Variants in GALNTL6 observed in about 807,000 individuals in gnomAD.
GALNTL6 encodes the protein polypeptide N-acetylgalactosaminyltransferase-like 6.
Under a neutral mutation model 73.7 loss-of-function variants are expected in GALNTL6, and 46 were observed. The observed-to-expected ratio is 0.62, with a 90% CI of 0.49 to 0.80. GALNTL6 has a LOEUF of 0.80. Among genes scored for constraint, GALNTL6 ranks in the 30% least tolerant of loss-of-function variants. GALNTL6 has a pLI of 0.00. For synonymous variants in GALNTL6, 259 were observed against 263.7 expected (o/e 0.98, Z 0.17); for missense variants, 604 against 755.0 (o/e 0.80, Z 2.34).
At chr4:172,460,979 A>G (rs991874697) in intron 5 of GALNTL6, among the ~76,000 whole-genome samples, 1 of 152,216 alleles carries the variant, frequency 6.6e-6, no homozygotes, top group Admixed American at 6.5e-5. Context: ...AATGCCCATC[A>G]ATGATAGATT....
chr4:172,606,794 A>T lies in GALNTL6; in HGVS notation c.554-202567A>T, dbSNP rs181004756. Among the ~76,000 whole-genome samples, 769 of 150,086 alleles carry T rather than the reference A, an allele frequency of 5.1e-3. 8 individuals carry two copies. The highest frequency in any genetic ancestry group is 0.018 in the African/African-American group (719 of 40,606). On this transcript the variant is annotated intron_variant, in intron 5 of 12. Coordinates refer to ENST00000506823, the MANE Select transcript of GALNTL6 (RefSeq NM_001034845.3). Reference sequence around the variant, plus strand: ...TCTGAACTAATTGGCAATCTTGCTGATGGGAGAGGAGTATCGAGCTTCAGA... The same window carrying T: ...TCTGAACTAATTGGCAATCTTGCTGTTGGGAGAGGAGTATCGAGCTTCAGA...
At chr4:171,917,283 CA>C (rs544905069) in intron 2 of GALNTL6, among the ~76,000 whole-genome samples, 4,583 of 144,912 alleles carry the variant, frequency 0.032, 105 homozygotes, top group African/African-American at 0.057. Context: ...GCAAACCAAA[CA>C]AAAAAAAAAA....
At chr4:171,849,187 C>T (rs1032617258) in intron 2 of GALNTL6, among the ~76,000 whole-genome samples, 2 of 152,176 alleles carry the variant, frequency 1.3e-5, no homozygotes, top group African/African-American at 4.8e-5. Flanking sequence ...TGCTATTCTT[C>T]CTTTCGCTTC....
At chr4:172,352,298 A>C (rs1430219594) in intron 5 of GALNTL6, among the ~76,000 whole-genome samples, 1 of 152,216 alleles carries the variant, frequency 6.6e-6, no homozygotes, top group Non-Finnish European at 1.5e-5. Flanking sequence ...GCTTGGTAAC[A>C]GAATGTCATT....
chr4:172,982,306 C>A (rs1417280454), intron 10 of GALNTL6, among the ~76,000 whole-genome samples: 1 of 152,190 alleles, frequency 6.6e-6, no homozygotes, highest in Non-Finnish European at 1.5e-5. Flanking sequence ...ATGACTCAAT[C>A]ACCACGGGAC....
chr4:172,031,954 T>A (rs1407291998), intron 2 of GALNTL6, among the ~76,000 whole-genome samples: 2 of 152,086 alleles, frequency 1.3e-5, no homozygotes, highest in African/African-American at 4.8e-5. Flanking sequence ...TATAGCCCCA[T>A]CTTTCAGTGC....
intron 3 of GALNTL6, among the ~76,000 whole-genome samples, chr4:172,230,674 C>G (rs1036925402): frequency 1.3e-5 from 2 of 152,014 alleles, no homozygotes; most frequent in African/African-American, 4.8e-5. Context: ...AAGGGTATAT[C>G]AGTAGAAATC....
intron 5 of GALNTL6, among the ~76,000 whole-genome samples, chr4:172,496,065 G>A (rs973983671): frequency 6.6e-6 from 1 of 152,172 alleles, no homozygotes; most frequent in Admixed American, 6.5e-5. Context: ...TTGACTCAGT[G>A]TGTAACTTCC....
chr4:172,638,401 T>G (rs532584884), intron 5 of GALNTL6, among the ~76,000 whole-genome samples: 95 of 152,170 alleles, frequency 6.2e-4, no homozygotes, highest in African/African-American at 2.2e-3. Flanking sequence ...TGTAAGGAAG[T>G]GGGGTGGGGC....
At chr4:172,705,507 T>C (rs559590256) in intron 5 of GALNTL6, among the ~76,000 whole-genome samples, 17 of 152,146 alleles carry the variant, frequency 1.1e-4, no homozygotes, top group Non-Finnish European at 2.4e-4. Flanking sequence ...TTTTGACTTT[T>C]TGTTGTTCCA....
At chr4:172,586,001 C>G (rs1435556589) in intron 5 of GALNTL6, among the ~76,000 whole-genome samples, 2 of 152,108 alleles carry the variant, frequency 1.3e-5, no homozygotes, top group African/African-American at 4.8e-5. Context: ...ATGAAAAAGT[C>G]AGGAAAAATA....
chr4:172,075,403 C>T lies in GALNTL6; in HGVS notation c.139-154253C>T, dbSNP rs1310242353. ...AGGCTGGAGTGCAGTGGCGCGATCTCGGCTCACTGCAAGCTCTGCCTCCTG... is the reference window on the plus strand; with the variant it reads ...AGGCTGGAGTGCAGTGGCGCGATCTTGGCTCACTGCAAGCTCTGCCTCCTG... On this transcript the variant is annotated intron_variant, in intron 2 of 12. Coordinates refer to ENST00000506823, the MANE Select transcript of GALNTL6 (RefSeq NM_001034845.3). Among the ~76,000 whole-genome samples the T allele has an allele frequency of 5.9e-5, 9 of 152,152 alleles. No homozygotes were observed. In the East Asian group the frequency reaches 7.8e-4, roughly 13 times the overall value.
intron 2 of GALNTL6, among the ~76,000 whole-genome samples, chr4:171,892,847 C>A (rs1416076472): frequency 3.9e-5 from 6 of 152,174 alleles, no homozygotes; most frequent in African/African-American, 1.4e-4. Flanking sequence ...CAGGCATGAG[C>A]CCCCATGCTC....
chr4:172,812,009 A>AATGGGTGG (rs1439527598), intron 6 of GALNTL6, among the ~76,000 whole-genome samples: 3 of 148,194 alleles, frequency 2.0e-5, no homozygotes, highest in African/African-American at 7.6e-5. Context: ...TGGATGGATA[A>AATGGGTGG]ATGGATGGAT....
At chr4:172,843,342 T>G (rs368911499) in intron 7 of GALNTL6, among the ~76,000 whole-genome samples, 5 of 152,220 alleles carry the variant, frequency 3.3e-5, no homozygotes, top group Non-Finnish European at 7.3e-5. Context: ...TCCCCAGTTT[T>G]GATATTTGAG....
intron 8 of GALNTL6, among the ~76,000 whole-genome samples, chr4:172,914,940 A>G (rs1310771347): frequency 1.3e-5 from 2 of 152,222 alleles, no homozygotes; most frequent in African/African-American, 4.8e-5. Flanking sequence ...AATCAACAGA[A>G]TATACATTCT....
intron 2 of GALNTL6, among the ~76,000 whole-genome samples, chr4:171,818,139 G>A (rs1444109824): frequency 6.6e-6 from 1 of 151,690 alleles, no homozygotes; most frequent in Non-Finnish European, 1.5e-5. Flanking sequence ...CATTTGAAAT[G>A]CTCCTCTTCT....
At chr4:172,829,078 G>A (rs530757920) in intron 7 of GALNTL6, among the ~76,000 whole-genome samples, 1 of 152,286 alleles carries the variant, frequency 6.6e-6, no homozygotes, top group African/African-American at 2.4e-5. Flanking sequence ...GTACTCCCGT[G>A]CCTTCACATC....
intron 7 of GALNTL6, among the ~76,000 whole-genome samples, chr4:172,854,567 C>G (rs559444602): frequency 1.3e-5 from 2 of 152,204 alleles, no homozygotes; most frequent in South Asian, 4.2e-4. Context: ...TATACTCATC[C>G]TATCAGAATA....
Sources: gnomAD v4.1 joint callset for allele counts (sites outside exome capture counted in the v4.1 genomes callset) on GRCh38, gnomAD v4.1.1 for gene constraint, MANE v1.5 for transcripts, NCBI Gene and HGNC (gene_info 2026-07-23, HGNC 2026-07-21) for gene names.